The following UGT1A8 variants were observed in gnomAD, a reference collection of about 807,000 sequenced individuals.
UGT1A8 encodes UDP-glucuronosyltransferase 1A8.
In UGT1A8, 39 loss-of-function variants were observed where a neutral mutation model predicts 45.3. The observed-to-expected ratio is 0.86, with a 90% CI of 0.67 to 1.12. UGT1A8 has a LOEUF of 1.12. Ranked by LOEUF, UGT1A8 falls within the 50% of genes most tolerant of loss-of-function variation. UGT1A8 has a pLI of 0.00. For missense variants in UGT1A8, 719 were observed against 664.9 expected (o/e 1.08, Z -0.90); for synonymous variants, 275 against 249.2 (o/e 1.10, Z -0.97).
At chr2:233,747,312 G>A in intron 1 of UGT1A8, 5 of 1,603,228 alleles carry the variant, frequency 3.1e-6, no homozygotes, top group Non-Finnish European at 4.3e-6. Context: ...AGGTGCTGGT[G>A]GTACCCATTG....
Position 233,628,291 on chromosome 2 carries a change from G to C in UGT1A8, c.855+9729G>C, listed in dbSNP as rs28969973. ...CATGGCATAGCTTTAAAAATTTTTA[G>C]ATATTTCTAGTTTATGTGGTTTATA... On this transcript the variant is annotated intron_variant, in intron 1 of 4. Coordinates refer to ENST00000373450, the MANE Select transcript of UGT1A8 (RefSeq NM_019076.5). Among the ~76,000 whole-genome samples, 743 of 151,790 alleles carry C rather than the reference G, an allele frequency of 4.9e-3. 20 individuals are homozygous for C. The East Asian group carries it at 0.1, about 21-fold the overall frequency.
intron 1 of UGT1A8, chr2:233,754,988 A>T (rs756949361): frequency 6.6e-5 from 86 of 1,295,924 alleles, no homozygotes; most frequent in Non-Finnish European, 8.9e-5. Context: ...CGGCGGGGTC[A>T]CGGAAGCTGA....
At chr2:233,736,991 G>A (rs1181891962) in intron 1 of UGT1A8, among the ~76,000 whole-genome samples, 1 of 152,206 alleles carries the variant, frequency 6.6e-6, no homozygotes, top group Non-Finnish European at 1.5e-5. Flanking sequence ...GATACACAGA[G>A]GTCAGGGACC....
intron 1 of UGT1A8, among the ~76,000 whole-genome samples, chr2:233,734,813 G>C (rs1170913968): frequency 6.6e-6 from 1 of 152,218 alleles, no homozygotes; most frequent in Non-Finnish European, 1.5e-5. Flanking sequence ...TTTCCATGTA[G>C]TTGTGCGATT....
intron 1 of UGT1A8, chr2:233,754,156 G>C (rs1695408372): frequency 6.5e-6 from 1 of 153,422 alleles, no homozygotes; most frequent in African/African-American, 2.4e-5. Flanking sequence ...AATTAAGCCA[G>C]AGTATTAATA....
chr2:233,630,718 T>G (rs1410103716), intron 1 of UGT1A8, among the ~76,000 whole-genome samples: 6 of 151,754 alleles, frequency 4.0e-5, no homozygotes, highest in Non-Finnish European at 8.8e-5. Flanking sequence ...TGGCACATAC[T>G]TTTTTATTTT....
intron 1 of UGT1A8, among the ~76,000 whole-genome samples, chr2:233,637,776 T>G (rs45555431): frequency 0.011 from 1,732 of 152,308 alleles, 45 homozygotes; most frequent in African/African-American, 0.039. Flanking sequence ...CTCATGTAAG[T>G]TCCCATACCT....
intron 1 of UGT1A8, among the ~76,000 whole-genome samples, chr2:233,707,415 G>A (rs183543704): frequency 6.4e-4 from 97 of 151,948 alleles, no homozygotes; most frequent in East Asian, 3.1e-3. Context: ...TCTCTCCCTC[G>A]ACTATTTCTT....
intron 1 of UGT1A8, among the ~76,000 whole-genome samples, chr2:233,695,754 A>G (rs942245272): frequency 6.6e-6 from 1 of 152,170 alleles, no homozygotes; most frequent in African/African-American, 2.4e-5. Context: ...ACAGGTCTTC[A>G]TCCTTTTTTA....
At chr2:233,629,113 A>T (rs1350124635) in intron 1 of UGT1A8, among the ~76,000 whole-genome samples, 1 of 151,752 alleles carries the variant, frequency 6.6e-6, no homozygotes, top group Non-Finnish European at 1.5e-5. Flanking sequence ...AAAAAAGAAT[A>T]CTCCATTCCC....
intron 1 of UGT1A8, among the ~76,000 whole-genome samples, chr2:233,647,163 G>A (rs2741035): frequency 0.76 from 115,873 of 152,056 alleles, 44,283 homozygotes; most frequent in Non-Finnish European, 0.8. Context: ...CACGGGAAAC[G>A]CCCAGCCCCA....
chr2:233,662,652 C>A (rs1324764561), intron 1 of UGT1A8, among the ~76,000 whole-genome samples: 1 of 152,110 alleles, frequency 6.6e-6, no homozygotes, highest in African/African-American at 2.4e-5. Context: ...TTGAATAGAA[C>A]AATGTTGAAT....
At chr2:233,760,603 C>T in intron 1 of UGT1A8, 1 of 1,614,202 alleles carries the variant, frequency 6.2e-7, no homozygotes, top group Non-Finnish European at 8.5e-7. Context: ...TGATTCTTTC[C>T]TGCAGCGTGT....
chr2:233,681,435 G>A (rs559305182), intron 1 of UGT1A8, among the ~76,000 whole-genome samples: 1 of 150,306 alleles, frequency 6.7e-6, no homozygotes, highest in East Asian at 2.0e-4. Flanking sequence ...TGAGGCTGAG[G>A]CAGGAGAATC....
intron 1 of UGT1A8, among the ~76,000 whole-genome samples, chr2:233,650,826 A>C (rs1264709962): frequency 6.6e-6 from 1 of 152,210 alleles, no homozygotes; most frequent in Non-Finnish European, 1.5e-5. Context: ...GGCACAAAGA[A>C]ATTTGAAATC....
At chr2:233,703,194 A>G (rs2125592149) in intron 1 of UGT1A8, among the ~76,000 whole-genome samples, 1 of 152,238 alleles carries the variant, frequency 6.6e-6, no homozygotes, top group South Asian at 2.1e-4. Context: ...CTTTCTAGGA[A>G]TTTGTCAATT....
At chr2:233,755,259 T>C in intron 1 of UGT1A8, 1 of 802,542 alleles carries the variant, frequency 1.2e-6, no homozygotes, top group African/African-American at 1.7e-5. Context: ...CACCTCGTAG[T>C]AGTCCACTAT....
chr2:233,623,271 T>C (rs2125449514), intron 1 of UGT1A8, among the ~76,000 whole-genome samples: 1 of 152,306 alleles, frequency 6.6e-6, no homozygotes, highest in East Asian at 1.9e-4. Flanking sequence ...AGAAAGTCAA[T>C]GGTGGCTTGA....
At chr2:233,732,951 G>A (rs1167941280) in intron 1 of UGT1A8, among the ~76,000 whole-genome samples, 3 of 152,104 alleles carry the variant, frequency 2.0e-5, no homozygotes, top group Admixed American at 6.5e-5. Context: ...AGCATGGAAT[G>A]TTCTTCCATT....
Sources: allele counts gnomAD v4.1 joint callset (sites outside exome capture counted in the v4.1 genomes callset), GRCh38; gene constraint gnomAD v4.1.1; transcripts MANE v1.5; gene names NCBI Gene and HGNC (gene_info 2026-07-23, HGNC 2026-07-21).